The following UNC13C variants were observed in gnomAD, a reference collection of about 807,000 sequenced individuals.
UNC13C encodes unc-13 homolog C.
UNC13C carries 174 observed loss-of-function variants against 245.4 expected under a neutral mutation model. That is an observed-to-expected ratio of 0.71 (90% CI 0.63 to 0.80). The LOEUF (loss-of-function observed/expected upper bound fraction) is 0.80. Ranked by LOEUF, UNC13C falls within the 30% of genes least tolerant of loss-of-function variation. The pLI is 0.00. For missense variants in UNC13C, 2,829 were observed against 2,602.9 expected (o/e 1.09, Z -1.89); for synonymous variants, 992 against 895.1 (o/e 1.11, Z -1.93).
chr15:54,529,186 C>T (rs72738435), intron 25 of UNC13C, among the ~76,000 whole-genome samples: 24 of 152,256 alleles, frequency 1.6e-4, no homozygotes, highest in Non-Finnish European at 2.9e-4. Context: ...TCCAAGAATT[C>T]AGGAGCCAAA....
intron 30 of UNC13C, among the ~76,000 whole-genome samples, chr15:54,620,372 A>G (rs1002008913): frequency 6.6e-6 from 1 of 152,176 alleles, no homozygotes; most frequent in Non-Finnish European, 1.5e-5. Context: ...GGTTTTAGGC[A>G]CATTTCCTTA....
the UNC13C span, among the ~76,000 whole-genome samples, chr15:53,854,295 A>G: frequency 6.0e-5 from 9 of 151,130 alleles, no homozygotes; most frequent in African/African-American, 1.5e-4. Flanking sequence ...TAATTTTTGC[A>G]TTGTTAGTAG....
At chr15:53,963,922 T>A in the UNC13C span, among the ~76,000 whole-genome samples, 1 of 152,186 alleles carries the variant, frequency 6.6e-6, no homozygotes, top group African/African-American at 2.4e-5. Context: ...AGCAATTGTG[T>A]CAGGATAGAG....
intron 17 of UNC13C, among the ~76,000 whole-genome samples, chr15:54,353,849 G>A (rs1056433036): frequency 5.3e-5 from 8 of 152,058 alleles, no homozygotes; most frequent in Admixed American, 2.0e-4. Context: ...TAGCTACACC[G>A]CTTCACACAC....
intron 10 of UNC13C, among the ~76,000 whole-genome samples, chr15:54,292,946 C>A (rs2037338205): frequency 6.7e-6 from 1 of 148,368 alleles, no homozygotes; most frequent in South Asian, 2.1e-4. Flanking sequence ...CTATATCTAT[C>A]TATATAGATT....
chr15:54,051,550 C>T (rs1005365605), intron 2 of UNC13C, among the ~76,000 whole-genome samples: 1 of 152,076 alleles, frequency 6.6e-6, no homozygotes, highest in Non-Finnish European at 1.5e-5. Context: ...TCTGGTAACA[C>T]TAGCTGCTGA....
At chr15:53,880,684 T>C in the UNC13C span, among the ~76,000 whole-genome samples, 1 of 150,606 alleles carries the variant, frequency 6.6e-6, no homozygotes, top group East Asian at 1.9e-4. Context: ...TAAAAGCAAG[T>C]TGCTTTGTCA....
At chr15:54,193,752 G>GA (rs2034263949) in intron 4 of UNC13C, among the ~76,000 whole-genome samples, 1 of 151,168 alleles carries the variant, frequency 6.6e-6, no homozygotes, top group Non-Finnish European at 1.5e-5. Context: ...TCTCTTAAGA[G>GA]AAAATCATCT....
At chr15:54,222,620 T>A (rs996369120) in intron 4 of UNC13C, among the ~76,000 whole-genome samples, 1 of 152,116 alleles carries the variant, frequency 6.6e-6, no homozygotes, top group Non-Finnish European at 1.5e-5. Context: ...GCAGTGAGAT[T>A]GCTGGGTCAT....
At chr15:54,219,224 C>A (rs1427783610) in intron 4 of UNC13C, among the ~76,000 whole-genome samples, 2 of 151,256 alleles carry the variant, frequency 1.3e-5, no homozygotes, top group Non-Finnish European at 3.0e-5. Flanking sequence ...GTAACCAAAA[C>A]AGCATGGTAC....
chr15:53,948,029 G>C, the UNC13C span: 1 of 152,106 alleles, frequency 6.6e-6, no homozygotes, highest in Non-Finnish European at 1.5e-5. Flanking sequence ...AGCGCAATTA[G>C]GTGAACATAT....
intron 2 of UNC13C, among the ~76,000 whole-genome samples, chr15:54,062,053 C>G (rs1366095548): frequency 2.6e-5 from 4 of 152,062 alleles, no homozygotes; most frequent in Non-Finnish European, 5.9e-5. Context: ...GGCGTGGTGG[C>G]TCACACCTGT....
intron 4 of UNC13C, among the ~76,000 whole-genome samples, chr15:54,197,744 G>A (rs112278647): frequency 3.9e-5 from 6 of 152,246 alleles, no homozygotes; most frequent in African/African-American, 1.4e-4. Flanking sequence ...GACAGAGAGA[G>A]CAATATGTGA....
intron 10 of UNC13C, among the ~76,000 whole-genome samples, chr15:54,287,957 C>G (rs931704551): frequency 9.9e-5 from 15 of 152,254 alleles, no homozygotes; most frequent in Non-Finnish European, 2.1e-4. Context: ...AGCTTGAAGT[C>G]CAGGATCTTT....
chr15:54,481,852 A>G (rs1267747875), intron 19 of UNC13C, among the ~76,000 whole-genome samples: 1 of 152,126 alleles, frequency 6.6e-6, no homozygotes, highest in Non-Finnish European at 1.5e-5. Context: ...CCAGGCCTCC[A>G]GATGACCTGT....
intron 30 of UNC13C, among the ~76,000 whole-genome samples, chr15:54,594,919 G>T (rs1596638958): frequency 6.6e-6 from 1 of 152,228 alleles, no homozygotes; most frequent in Non-Finnish European, 1.5e-5. Flanking sequence ...TCGGAGGCTT[G>T]CTCACGGCCC....
At chr15:54,580,288 C>T (rs1898142626) in intron 30 of UNC13C, among the ~76,000 whole-genome samples, 1 of 152,202 alleles carries the variant, frequency 6.6e-6, no homozygotes, top group Non-Finnish European at 1.5e-5. Flanking sequence ...TATCCTTTGG[C>T]ACTGGAAGTT....
chr15:53,896,262 C>G, the UNC13C span, among the ~76,000 whole-genome samples: 1 of 152,014 alleles, frequency 6.6e-6, no homozygotes, highest in Non-Finnish European at 1.5e-5. Flanking sequence ...AAAAAAAATA[C>G]TCCTAGAGCA....
chr15:54,043,939 AT>A (rs1896918744), intron 2 of UNC13C, among the ~76,000 whole-genome samples: 1 of 152,230 alleles, frequency 6.6e-6, no homozygotes, highest in Admixed American at 6.5e-5. Context: ...TTTACGTAAT[AT>A]AAAATCCACC....
Sources: allele counts gnomAD v4.1 joint callset (sites outside exome capture counted in the v4.1 genomes callset), GRCh38; gene constraint gnomAD v4.1.1; transcripts MANE v1.5; gene names NCBI Gene and HGNC (gene_info 2026-07-23, HGNC 2026-07-21).